The following CBLN2 variants were observed in gnomAD, a reference collection of about 807,000 sequenced individuals.
CBLN2 encodes cerebellin-2.
Under a neutral mutation model 15.0 loss-of-function variants are expected in CBLN2, and 7 were observed. That is an observed-to-expected ratio of 0.47 (90% confidence interval 0.27 to 0.88). CBLN2 has a LOEUF of 0.88. CBLN2 is among the 40% of genes least tolerant of loss of function. The pLI is 0.14. For synonymous variants in CBLN2, 149 were observed against 135.2 expected (o/e 1.10, Z -0.71); for missense variants, 242 against 304.5 (o/e 0.79, Z 1.53).
In CBLN2 at chr18:72,538,178, A is replaced by T. The variant is rs923473797; in HGVS notation, c.673T>A (p.Ter225LysextTer20). The T allele has an allele frequency of 6.2e-6, 10 of 1,614,032 alleles. No homozygotes were observed. The highest frequency in any genetic ancestry group is 7.6e-6 in the Non-Finnish European group (9 of 1,179,990). ...CCACCATCTAGGGGGCTCTGTGTTT[A>T]TAGAGGAAACACCAAGAAGCCCGAG... ...TFSGFLVFPL[*>K] Residue 225 changes from the stop codon to lysine, a stop_lost, in exon 5 of 5, where the codon TAA becomes AAA. Transcript: ENST00000269503.
At chr18:72,563,296 T>C (rs183499876) in intron 1 of CBLN2, among the ~76,000 whole-genome samples, 9 of 152,348 alleles carry the variant, frequency 5.9e-5, no homozygotes, top group African/African-American at 2.2e-4. Flanking sequence ...ACCAATTTAA[T>C]GAGTTATTAA....
chr18:72,592,655 G>T (rs1599014345), intron 1 of CBLN2, among the ~76,000 whole-genome samples: 1 of 152,036 alleles, frequency 6.6e-6, no homozygotes, highest in African/African-American at 2.4e-5. Context: ...AATACATTTT[G>T]ATTTGATTTT....
intron 1 of CBLN2, among the ~76,000 whole-genome samples, chr18:72,579,718 C>T (rs893042075): frequency 3.3e-5 from 5 of 149,836 alleles, no homozygotes; most frequent in Admixed American, 6.8e-5. Flanking sequence ...GGTGACAGAG[C>T]GAGACTCCGT....
intron 1 of CBLN2, among the ~76,000 whole-genome samples, chr18:72,610,944 T>C (rs1363158757): frequency 6.6e-6 from 1 of 152,162 alleles, no homozygotes; most frequent in East Asian, 1.9e-4. Flanking sequence ...TCTTTATGTC[T>C]GTGAGTACCC....
At chr18:72,555,600 C>T (rs1011533460) in intron 1 of CBLN2, among the ~76,000 whole-genome samples, 2 of 152,118 alleles carry the variant, frequency 1.3e-5, no homozygotes, top group African/African-American at 2.4e-5. Context: ...CAGTAATCTA[C>T]TTTTTCCATT....
At chr18:72,539,001 T>C (rs1473809829) in intron 3 of CBLN2, 1 of 487,366 alleles carries the variant, frequency 2.1e-6, no homozygotes, top group African/African-American at 1.9e-5. Context: ...CTAATCAAGA[T>C]TTCTAAAGCA....
intron 1 of CBLN2, among the ~76,000 whole-genome samples, chr18:72,553,140 C>G (rs2069201495): frequency 6.6e-6 from 1 of 152,184 alleles, no homozygotes; most frequent in Non-Finnish European, 1.5e-5. Context: ...GAGGAGGACT[C>G]ACAACAGGAG....
chr18:72,587,989 T>C (rs1443802335), intron 1 of CBLN2, among the ~76,000 whole-genome samples: 1 of 152,228 alleles, frequency 6.6e-6, no homozygotes, highest in Non-Finnish European at 1.5e-5. Flanking sequence ...AATATTCTTA[T>C]AATAATTATC....
intron 1 of CBLN2, among the ~76,000 whole-genome samples, chr18:72,599,877 C>T (rs1398585126): frequency 1.3e-5 from 2 of 152,160 alleles, no homozygotes; most frequent in East Asian, 3.9e-4. Flanking sequence ...GTTACCTCCT[C>T]AGTGTCTCAA....
Position 72,596,495 on chromosome 18 carries a change from G to A in CBLN2, c.15+41830C>T, listed in dbSNP as rs536227603. ...TGTTATAATATTCTGTGTTTTCTGT[G>A]TACTCACTATTACCAGTGAATTTTT... On this transcript the variant is annotated intron_variant, in intron 1 of 2. Transcript: ENST00000581073. Among the ~76,000 whole-genome samples, 211 of 152,150 alleles carry A rather than the reference G, an allele frequency of 1.4e-3. 1 individual carries two copies. The highest frequency in any genetic ancestry group is 5.0e-3 in the African/African-American group (207 of 41,512).
chr18:72,562,964 C>T (rs558973888), intron 1 of CBLN2, among the ~76,000 whole-genome samples: 17 of 152,300 alleles, frequency 1.1e-4, no homozygotes, highest in African/African-American at 2.4e-4. Context: ...TCCATTTTAG[C>T]GAGAGGTGCT....
At chr18:72,547,170 A>G (rs530832607), upstream of CBLN2, among the ~76,000 whole-genome samples, 1 of 152,246 alleles carries the variant, frequency 6.6e-6, no homozygotes, top group Non-Finnish European at 1.5e-5. Flanking sequence ...ACTCAGCCAT[A>G]AAAGGAATGA....
At chr18:72,615,279 T>C (rs1358828493) in intron 1 of CBLN2, among the ~76,000 whole-genome samples, 1 of 14,420 alleles carries the variant, frequency 6.9e-5, no homozygotes, top group Non-Finnish European at 3.6e-4. Context: ...TATATATATA[T>C]ATATTTTTTT....
At chr18:72,548,729 G>C (rs1411568048), upstream of CBLN2, among the ~76,000 whole-genome samples, 1 of 152,172 alleles carries the variant, frequency 6.6e-6, no homozygotes, top group Non-Finnish European at 1.5e-5. Context: ...GTCAGCAATG[G>C]CTGAATTTTA....
At chr18:72,604,673 C>T (rs376683837) in intron 1 of CBLN2, among the ~76,000 whole-genome samples, 1 of 152,118 alleles carries the variant, frequency 6.6e-6, no homozygotes, top group Non-Finnish European at 1.5e-5. Flanking sequence ...AATGGATTAA[C>T]GAGTTACCAA....
At chr18:72,636,076 T>A (rs1176574384) in intron 1 of CBLN2, among the ~76,000 whole-genome samples, 1 of 152,164 alleles carries the variant, frequency 6.6e-6, no homozygotes, top group Non-Finnish European at 1.5e-5. Flanking sequence ...AATTTCCAAA[T>A]AAATGATCTA....
intron 3 of CBLN2, chr18:72,539,586 A>G (rs577337676): frequency 6.6e-6 from 1 of 152,302 alleles, no homozygotes; most frequent in South Asian, 2.1e-4. Context: ...CATGCAAAAC[A>G]ATGACAAAAT....
At chr18:72,556,123 T>A (rs942647421) in intron 1 of CBLN2, among the ~76,000 whole-genome samples, 1 of 152,172 alleles carries the variant, frequency 6.6e-6, no homozygotes, top group Non-Finnish European at 1.5e-5. Context: ...AAAAAACAAG[T>A]TGTTTTCATA....
upstream of CBLN2, among the ~76,000 whole-genome samples, chr18:72,546,510 T>A (rs1033010062): frequency 1.3e-5 from 2 of 152,252 alleles, no homozygotes; most frequent in African/African-American, 4.8e-5. Context: ...AGAAATTTTT[T>A]AAGAAAATGT....
Sources: gnomAD v4.1 joint callset for allele counts (sites outside exome capture counted in the v4.1 genomes callset) on GRCh38, gnomAD v4.1.1 for gene constraint, MANE v1.5 for transcripts, NCBI Gene and HGNC (gene_info 2026-07-23, HGNC 2026-07-21) for gene names.